EYS: variants seen among roughly 807,000 people sequenced by gnomAD.
EYS encodes the protein protein eyes shut homolog.
A neutral mutation model predicts 282.1 loss-of-function variants in EYS; 250 were observed. The ratio of observed to expected loss-of-function variants is 0.89; its 90% confidence interval spans 0.80 to 0.98. The LOEUF (loss-of-function observed/expected upper bound fraction) is 0.98. EYS is among the 50% of genes least tolerant of loss of function. The pLI, the probability that EYS is intolerant of heterozygous loss-of-function variation, is 0.00. For synonymous variants in EYS, 1,355 were observed against 1,282.9 expected (o/e 1.06, Z -1.20); for missense variants, 4,016 against 3,709.0 (o/e 1.08, Z -2.15).
intron 26 of EYS, among the ~76,000 whole-genome samples, chr6:64,569,705 A>G (rs1765664415): frequency 6.6e-6 from 1 of 151,966 alleles, no homozygotes; most frequent in East Asian, 1.9e-4. Flanking sequence ...CCTGCCACTG[A>G]ACTCCAGCCT....
intron 32 of EYS, among the ~76,000 whole-genome samples, chr6:64,069,121 G>A (rs765351428): frequency 1.3e-5 from 2 of 151,918 alleles, no homozygotes; most frequent in Non-Finnish European, 2.9e-5. Flanking sequence ...GCTTCCAGAG[G>A]GAACCAGTCC....
At chr6:63,956,044 C>T (rs555545531) in intron 35 of EYS, among the ~76,000 whole-genome samples, 4 of 139,488 alleles carry the variant, frequency 2.9e-5, no homozygotes, top group African/African-American at 5.3e-5. Flanking sequence ...TAATCCAGCT[C>T]GAAGCAGCCT....
At chr6:64,119,251 A>G (rs892917901) in intron 31 of EYS, among the ~76,000 whole-genome samples, 1 of 152,154 alleles carries the variant, frequency 6.6e-6, no homozygotes, top group African/African-American at 2.4e-5. Flanking sequence ...CACTGAAATA[A>G]CCATTTTATT....
At chr6:64,813,313 T>C (rs1764650161) in intron 22 of EYS, 65 bp downstream of exon 22, 2 of 1,220,580 alleles carry the variant, frequency 1.6e-6, no homozygotes, top group Admixed American at 2.7e-5. Flanking sequence ...AGTGCATTAC[T>C]AGTGGGATGT....
chr6:63,832,796 A>G (rs572819165), intron 36 of EYS, among the ~76,000 whole-genome samples: 2 of 152,358 alleles, frequency 1.3e-5, no homozygotes. Flanking sequence ...TTCCTGGTGA[A>G]CATCAATGTA....
chr6:64,418,881 C>T (rs758033901), intron 28 of EYS, among the ~76,000 whole-genome samples: 1 of 151,944 alleles, frequency 6.6e-6, no homozygotes, highest in Non-Finnish European at 1.5e-5. Flanking sequence ...TCACACAGTC[C>T]CTGAGAAAAG....
At chr6:65,312,743 C>T (rs1474558181) in intron 11 of EYS, among the ~76,000 whole-genome samples, 1 of 152,170 alleles carries the variant, frequency 6.6e-6, no homozygotes, top group Non-Finnish European at 1.5e-5. Flanking sequence ...TCACAGTTAT[C>T]ACAGTATGCT....
At chr6:65,641,935 C>T (rs36118937) in intron 1 of EYS, among the ~76,000 whole-genome samples, 12,461 of 152,072 alleles carry the variant, frequency 0.082, 657 homozygotes, top group South Asian at 0.16. Context: ...GAGTAATCCA[C>T]GAAAAGATTT....
intron 31 of EYS, among the ~76,000 whole-genome samples, chr6:64,086,881 G>T (rs371851361): frequency 1.1e-4 from 17 of 152,220 alleles, no homozygotes; most frequent in African/African-American, 3.1e-4. Context: ...GACCAGAAAC[G>T]ATTATAACAT....
chr6:64,262,727 C>G (rs555407370), intron 30 of EYS, among the ~76,000 whole-genome samples: 2 of 151,700 alleles, frequency 1.3e-5, no homozygotes, highest in African/African-American at 4.8e-5. Context: ...GTTTCGTTTT[C>G]TTTTATTTTG....
chr6:63,985,039 T>A (rs186929500), intron 34 of EYS, among the ~76,000 whole-genome samples: 24 of 151,846 alleles, frequency 1.6e-4, no homozygotes, highest in Admixed American at 1.5e-3. Context: ...TACCTCAGAA[T>A]GTGACTTTAT....
chr6:64,884,941 CTCCTTATA>C (rs1767041994), intron 19 of EYS, among the ~76,000 whole-genome samples: 2 of 151,584 alleles, frequency 1.3e-5, no homozygotes, highest in African/African-American at 4.8e-5. Flanking sequence ...TAAAAAGGTT[CTCCTTATA>C]GAAAGACTCA....
intron 5 of EYS, among the ~76,000 whole-genome samples, chr6:65,420,750 T>C (rs897640402): frequency 1.3e-5 from 2 of 151,912 alleles, no homozygotes; most frequent in African/African-American, 4.8e-5. Flanking sequence ...CTTTTATTGG[T>C]GGGCTACAAA....
intron 10 of EYS, among the ~76,000 whole-genome samples, chr6:65,343,148 T>C (rs1225211970): frequency 6.6e-6 from 1 of 151,290 alleles, no homozygotes; most frequent in Non-Finnish European, 1.5e-5. Context: ...TTCTGTGGTA[T>C]TTGAAGTCTT....
chr6:64,640,604 T>G (rs1314528857), intron 22 of EYS, among the ~76,000 whole-genome samples: 2 of 151,746 alleles, frequency 1.3e-5, no homozygotes, highest in East Asian at 1.9e-4. Context: ...AGCATTAGGA[T>G]ATATACCTGA....
intron 1 of EYS, among the ~76,000 whole-genome samples, chr6:65,693,522 G>A (rs1281277518): frequency 1.4e-5 from 2 of 146,176 alleles, no homozygotes; most frequent in African/African-American, 5.0e-5. Flanking sequence ...ACATTTGCTA[G>A]TACCATCCTG....
intron 26 of EYS, among the ~76,000 whole-genome samples, chr6:64,505,689 A>G (rs1216091962): frequency 6.6e-6 from 1 of 152,218 alleles, no homozygotes; most frequent in Non-Finnish European, 1.5e-5. Flanking sequence ...CTTTAAAAAA[A>G]TGATATACAT....
intron 2 of EYS, among the ~76,000 whole-genome samples, chr6:65,562,463 A>C (rs1283361753): frequency 1.3e-5 from 2 of 152,072 alleles, no homozygotes; most frequent in Non-Finnish European, 1.5e-5. Flanking sequence ...GAATGAAAGG[A>C]CAGAATGGAA....
chr6:64,251,540 CTAAT>C (rs1278528199), intron 30 of EYS, among the ~76,000 whole-genome samples: 2 of 152,234 alleles, frequency 1.3e-5, no homozygotes, highest in African/African-American at 2.4e-5. Flanking sequence ...TAATTATAAA[CTAAT>C]TATTCTTAGT....
Sources: gnomAD v4.1 joint callset for allele counts (sites outside exome capture counted in the v4.1 genomes callset) on GRCh38, gnomAD v4.1.1 for gene constraint, MANE v1.5 for transcripts, NCBI Gene and HGNC (gene_info 2026-07-23, HGNC 2026-07-21) for gene names.